The following PTPRT variants were observed in gnomAD, a reference collection of about 807,000 sequenced individuals.
PTPRT encodes receptor-type tyrosine-protein phosphatase T.
Under a neutral mutation model 176.8 loss-of-function variants are expected in PTPRT, and 56 were observed. The ratio of observed to expected loss-of-function variants is 0.32; its 90% CI spans 0.26 to 0.40. The LOEUF (loss-of-function observed/expected upper bound fraction) is 0.40, where lower values mean the gene tolerates loss of function less well. PTPRT is among the 10% of genes least tolerant of loss of function. The pLI is 1.00. For missense variants in PTPRT, 1,540 were observed against 1,908.2 expected (o/e 0.81, Z 3.60); for synonymous variants, 783 against 739.0 (o/e 1.06, Z -0.96).
intron 9 of PTPRT, among the ~76,000 whole-genome samples, chr20:42,365,253 T>C (rs559656395): frequency 1.3e-5 from 2 of 152,334 alleles, no homozygotes; most frequent in African/African-American, 4.8e-5. Context: ...GAGTGTTTAA[T>C]AGCCACTTGT....
At chr20:42,963,502 G>T (rs1982121927) in intron 1 of PTPRT, among the ~76,000 whole-genome samples, 1 of 151,716 alleles carries the variant, frequency 6.6e-6, no homozygotes, top group Non-Finnish European at 1.5e-5. Context: ...TTTAAAAGTT[G>T]GTCGTGAGTG....
intron 16 of PTPRT, among the ~76,000 whole-genome samples, chr20:42,185,707 T>C (rs6016711): frequency 0.34 from 51,498 of 152,144 alleles, 9,164 homozygotes; most frequent in East Asian, 0.38. Flanking sequence ...TTTCTCTGAG[T>C]ATATAGGATT....
At chr20:42,326,803 T>C (rs1052462646) in intron 11 of PTPRT, among the ~76,000 whole-genome samples, 4 of 152,118 alleles carry the variant, frequency 2.6e-5, no homozygotes, top group Non-Finnish European at 5.9e-5. Context: ...TCTTGCCAAA[T>C]TGATGTATTG....
intron 9 of PTPRT, among the ~76,000 whole-genome samples, chr20:42,371,132 G>A (rs919772676): frequency 6.6e-6 from 1 of 152,184 alleles, no homozygotes; most frequent in Non-Finnish European, 1.5e-5. Context: ...ATAACAATGG[G>A]GATGGTGACC....
At chr20:42,232,788 A>G (rs1051198117) in intron 15 of PTPRT, among the ~76,000 whole-genome samples, 2 of 141,106 alleles carry the variant, frequency 1.4e-5, no homozygotes, top group Non-Finnish European at 3.0e-5. Context: ...TCAGGTAGCC[A>G]GTATCATGTT....
chr20:42,361,955 TTC>T (rs2058437239), intron 9 of PTPRT, among the ~76,000 whole-genome samples: 2 of 152,242 alleles, frequency 1.3e-5, no homozygotes, highest in Admixed American at 6.5e-5. Flanking sequence ...CAATATTTTA[TTC>T]TCTTTCATAT....
At chr20:42,232,775 C>A (rs934035288) in intron 15 of PTPRT, among the ~76,000 whole-genome samples, 3 of 128,878 alleles carry the variant, frequency 2.3e-5, no homozygotes, top group South Asian at 2.5e-4. Context: ...ACTTTCTGAT[C>A]TTTCAGGTAG....
chr20:42,352,782 A>G (rs934520403), intron 9 of PTPRT, among the ~76,000 whole-genome samples: 4 of 152,166 alleles, frequency 2.6e-5, no homozygotes, highest in Admixed American at 6.5e-5. Context: ...ATCTATCGAG[A>G]TATGATTATT....
At chr20:43,042,703 A>ACCTACCCT (rs1986659983) in intron 1 of PTPRT, among the ~76,000 whole-genome samples, 1 of 118,654 alleles carries the variant, frequency 8.4e-6, no homozygotes, top group East Asian at 2.9e-4. Context: ...GCATTCTTCC[A>ACCTACCCT]CCCACCCTCC....
intron 7 of PTPRT, among the ~76,000 whole-genome samples, chr20:42,480,341 G>C (rs1208745057): frequency 6.6e-6 from 1 of 152,208 alleles, no homozygotes; most frequent in Non-Finnish European, 1.5e-5. Flanking sequence ...TGGGAGGTGA[G>C]ACAGAACAGC....
intron 7 of PTPRT, among the ~76,000 whole-genome samples, chr20:42,549,200 G>A (rs1268190355): frequency 2.0e-5 from 3 of 152,042 alleles, no homozygotes. Context: ...CGATTACGGG[G>A]TAATGGATAA....
At chr20:42,174,858 A>G (rs1354771132) in intron 16 of PTPRT, among the ~76,000 whole-genome samples, 1 of 152,206 alleles carries the variant, frequency 6.6e-6, no homozygotes, top group Non-Finnish European at 1.5e-5. Flanking sequence ...TATGGCTAGT[A>G]TCTCTGAAAA....
chr20:42,978,976 C>T (rs1983119671), intron 1 of PTPRT, among the ~76,000 whole-genome samples: 1 of 152,162 alleles, frequency 6.6e-6, no homozygotes. Flanking sequence ...CTTGCTTTCT[C>T]TTTACTCTAG....
At chr20:42,113,148 G>A (rs1987093831) in intron 22 of PTPRT, among the ~76,000 whole-genome samples, 1 of 152,214 alleles carries the variant, frequency 6.6e-6, no homozygotes, top group Non-Finnish European at 1.5e-5. Flanking sequence ...GGCTGGCTAA[G>A]CCCAGTTAAT....
chr20:42,839,168 C>T (rs1305472639), intron 2 of PTPRT, among the ~76,000 whole-genome samples: 1 of 152,076 alleles, frequency 6.6e-6, no homozygotes, highest in Non-Finnish European at 1.5e-5. Context: ...GGACTTCCAT[C>T]TCACACGGCC....
intron 1 of PTPRT, among the ~76,000 whole-genome samples, chr20:43,061,573 C>A (rs1338079732): frequency 6.6e-6 from 1 of 152,144 alleles, no homozygotes; most frequent in Non-Finnish European, 1.5e-5. Context: ...GAAGTGGTGT[C>A]CACCATCTGG....
Position 42,344,580 on chromosome 20 carries a change from C to G in PTPRT, c.1865+6048G>C, listed in dbSNP as rs191916403. Among the ~76,000 whole-genome samples, 52 of 152,260 alleles carry G rather than the reference C, an allele frequency of 3.4e-4. 1 individual carries two copies. The highest frequency in any genetic ancestry group is 4.4e-5 in the Non-Finnish European group (3 of 68,034). The stretch of plus-strand genomic sequence containing the variant: ...AGTGGCAACTCAGAAGGAGCTGGTG[C>G]ATTCTGCTGCAAGAGTGGAGATGGT... On this transcript the variant is annotated intron_variant, in intron 11 of 30. Coordinates refer to ENST00000373187, the MANE Select transcript of PTPRT (RefSeq NM_007050.6).
At chr20:42,772,874 C>T (rs775708114) in intron 4 of PTPRT, among the ~76,000 whole-genome samples, 13 of 152,242 alleles carry the variant, frequency 8.5e-5, no homozygotes, top group Non-Finnish European at 1.5e-4. Flanking sequence ...TCTAATTTAA[C>T]TTCATGACAT....
intron 13 of PTPRT, chr20:42,270,325 G>A (rs1425002238): frequency 3.4e-5 from 47 of 1,392,966 alleles, no homozygotes; most frequent in Non-Finnish European, 4.0e-6. Flanking sequence ...CCTCTCTGGT[G>A]CACCTGGCCT....
Sources: allele counts gnomAD v4.1 joint callset (sites outside exome capture counted in the v4.1 genomes callset), GRCh38; gene constraint gnomAD v4.1.1; transcripts MANE v1.5; gene names NCBI Gene and HGNC (gene_info 2026-07-23, HGNC 2026-07-21).